Variants in GNAQ observed in about 807,000 individuals in gnomAD.
GNAQ encodes guanine nucleotide-binding protein G(q) subunit alpha.
In GNAQ, 8 loss-of-function variants were observed where a neutral mutation model predicts 43.9. The observed-to-expected ratio is 0.18, with a 90% CI of 0.11 to 0.33. The LOEUF (loss-of-function observed/expected upper bound fraction) is 0.33, where lower values mean the gene tolerates loss of function less well. GNAQ is among the 10% of genes least tolerant of loss of function. The pLI is 1.00. For synonymous variants in GNAQ, 155 were observed against 170.7 expected, an observed-to-expected ratio of 0.91 and a Z score of 0.71; for missense variants, 158 against 450.8, an observed-to-expected ratio of 0.35 and a Z score of 5.88.
intron 1 of GNAQ, among the ~76,000 whole-genome samples, chr9:77,928,072 C>G (rs2118295907): frequency 6.6e-6 from 1 of 152,320 alleles, no homozygotes; most frequent in African/African-American, 2.4e-5. Context: ...CCAATAAGCA[C>G]ATCATCAATC....
At chr9:77,723,748 CAG>C (rs1228350880) in intron 6 of GNAQ, among the ~76,000 whole-genome samples, 2 of 151,968 alleles carry the variant, frequency 1.3e-5, no homozygotes, top group African/African-American at 4.8e-5. Context: ...CTCATAAAGA[CAG>C]AAAGTAGATT....
intron 1 of GNAQ, 91 bp from the exon 2 acceptor site, chr9:77,922,436 T>G: frequency 5.3e-5 from 43 of 813,386 alleles, no homozygotes; most frequent in East Asian, 7.8e-5. Context: ...GGATTTAACA[T>G]CCCCAGATAG....
At chr9:77,973,720 A>G (rs1342331784) in intron 1 of GNAQ, among the ~76,000 whole-genome samples, 1 of 152,122 alleles carries the variant, frequency 6.6e-6, no homozygotes, top group Non-Finnish European at 1.5e-5. Flanking sequence ...TGGGAGCCTG[A>G]GGCAGGAGAA....
chr9:77,989,300 C>T (rs764511509), intron 1 of GNAQ, among the ~76,000 whole-genome samples: 2 of 152,100 alleles, frequency 1.3e-5, no homozygotes, highest in African/African-American at 2.4e-5. Flanking sequence ...CAGCAAAGGC[C>T]CAAATCAGTT....
At chr9:77,913,210 T>C (rs1464374860) in intron 2 of GNAQ, among the ~76,000 whole-genome samples, 1 of 152,016 alleles carries the variant, frequency 6.6e-6, no homozygotes, top group Non-Finnish European at 1.5e-5. Flanking sequence ...TGCAGACTTA[T>C]GTTCACCAAA....
intron 1 of GNAQ, among the ~76,000 whole-genome samples, chr9:77,980,931 T>C (rs1823359766): frequency 6.6e-6 from 1 of 152,208 alleles, no homozygotes; most frequent in African/African-American, 2.4e-5. Flanking sequence ...AACAGGCTCT[T>C]CCTTCATTGC....
At chr9:77,778,214 T>TACACACACACAC (rs34540195) in intron 5 of GNAQ, among the ~76,000 whole-genome samples, 1 of 149,500 alleles carries the variant, frequency 6.7e-6, no homozygotes, top group Admixed American at 6.7e-5. Context: ...TTTACACGTT[T>TACACACACACAC]ACACACACAC....
At chr9:78,000,300 TG>T (rs1823628265) in intron 1 of GNAQ, among the ~76,000 whole-genome samples, 1 of 152,192 alleles carries the variant, frequency 6.6e-6, no homozygotes, top group Non-Finnish European at 1.5e-5. Flanking sequence ...ATCAGTCCTC[TG>T]GTAAGTAAGC....
chr9:77,843,008 T>C (rs1431848765), intron 2 of GNAQ, among the ~76,000 whole-genome samples: 1 of 152,190 alleles, frequency 6.6e-6, no homozygotes, highest in Non-Finnish European at 1.5e-5. Context: ...GAAAGAAATA[T>C]ATAGAAATAA....
chr9:77,949,962 A>G (rs1301196487), intron 1 of GNAQ, among the ~76,000 whole-genome samples: 1 of 152,140 alleles, frequency 6.6e-6, no homozygotes, highest in Non-Finnish European at 1.5e-5. Flanking sequence ...GTCTTGCTCC[A>G]TCTGGTGTAA....
chr9:78,005,704 C>G (rs1823697191), intron 1 of GNAQ, among the ~76,000 whole-genome samples: 1 of 152,100 alleles, frequency 6.6e-6, no homozygotes, highest in Non-Finnish European at 1.5e-5. Flanking sequence ...GTTGCAGTGC[C>G]AATACTCTAG....
chr9:77,877,611 G>A (rs918015827), intron 2 of GNAQ, among the ~76,000 whole-genome samples: 1 of 152,044 alleles, frequency 6.6e-6, no homozygotes, highest in African/African-American at 2.4e-5. Flanking sequence ...AACAATTACC[G>A]TAACCTACTT....
At chr9:77,976,752 A>G (rs1043306819) in intron 1 of GNAQ, among the ~76,000 whole-genome samples, 1 of 152,202 alleles carries the variant, frequency 6.6e-6, no homozygotes, top group Non-Finnish European at 1.5e-5. Flanking sequence ...CAACATTTAA[A>G]ATCCAAGAGA....
intron 1 of GNAQ, among the ~76,000 whole-genome samples, chr9:77,990,402 T>C (rs2118519241): frequency 6.6e-6 from 1 of 152,284 alleles, no homozygotes; most frequent in South Asian, 2.1e-4. Context: ...AAAAATTTTT[T>C]TGTAGAGACA....
chr9:77,818,495 T>C (rs1377967799), intron 2 of GNAQ, among the ~76,000 whole-genome samples: 3 of 151,330 alleles, frequency 2.0e-5, no homozygotes, highest in Non-Finnish European at 4.4e-5. Flanking sequence ...TTTTCTAGTA[T>C]GTTAGAGTAG....
chr9:78,007,425 C>G (rs1345038202), intron 1 of GNAQ, among the ~76,000 whole-genome samples: 1 of 150,294 alleles, frequency 6.7e-6, no homozygotes, highest in Non-Finnish European at 1.5e-5. Context: ...AAGCCACCCA[C>G]TAGAAAACAA....
chr9:77,831,242 T>A (rs7868833), intron 2 of GNAQ, among the ~76,000 whole-genome samples: 17,263 of 152,248 alleles, frequency 0.11, 1,074 homozygotes, highest in East Asian at 0.26. Flanking sequence ...AATTAAAATG[T>A]TTTATATCAC....
chr9:77,789,066 T>C (rs1826527049), intron 5 of GNAQ, among the ~76,000 whole-genome samples: 1 of 152,210 alleles, frequency 6.6e-6, no homozygotes, highest in Admixed American at 6.5e-5. Context: ...TAAGAGATGC[T>C]TGATTAAATC....
intron 5 of GNAQ, among the ~76,000 whole-genome samples, chr9:77,792,539 G>C (rs1826592622): frequency 6.6e-6 from 1 of 152,066 alleles, no homozygotes; most frequent in Admixed American, 6.5e-5. Flanking sequence ...TAAATGATCT[G>C]TAATGTTCAG....
Sources: allele counts gnomAD v4.1 joint callset (sites outside exome capture counted in the v4.1 genomes callset), GRCh38; gene constraint gnomAD v4.1.1; transcripts MANE v1.5; gene names NCBI Gene and HGNC (gene_info 2026-07-23, HGNC 2026-07-21).